The following IL17REL variants were observed in gnomAD, a reference collection of about 807,000 sequenced individuals.
IL17REL encodes the protein interleukin-17 receptor E-like protein.
In IL17REL, 36 loss-of-function variants were observed where a neutral mutation model predicts 49.0. The observed-to-expected ratio is 0.73, with a 90% CI of 0.56 to 0.97. The LOEUF is 0.97. IL17REL is among the 50% of genes least tolerant of loss of function. The pLI is 0.00. For missense variants in IL17REL, 470 were observed against 453.9 expected, an observed-to-expected ratio of 1.04 and a Z score of -0.32; for synonymous variants, 206 against 192.4, an observed-to-expected ratio of 1.07 and a Z score of -0.58.
exon 11 of IL17REL, chr22:49,997,390 C>T (rs2061042836): frequency 6.2e-7 from 1 of 1,613,724 alleles, no homozygotes; most frequent in South Asian, 1.1e-5. Flanking sequence ...CCTCCTGTGA[C>T]ACAGGTGCAC....
At position 49,999,815 on chromosome 22, in the gene IL17REL, C is replaced by T. The variant is rs1033088850; in HGVS notation, c.474+13G>A. 1.3e-6 allele frequency: 2 copies of T among 1,494,610 alleles called. No individual in the cohort carries two copies. The highest frequency in any genetic ancestry group is 1.4e-5 in the African/African-American group (1 of 68,976). The allele number at this position is 1,494,610 out of a possible 1,614,324, so 92.6% of individuals were successfully genotyped here. ...GCCTAAGGCTGACCGGGGCCCGGGG[C>T]GCGGGCGCTCACTCGCACAGGGGCG... On this transcript the variant is annotated intron_variant, in intron 5 of 12. Transcript: ENST00000341280.
chr22:49,993,115 G>C (rs1206453847), downstream of IL17REL, among the ~76,000 whole-genome samples: 1 of 152,260 alleles, frequency 6.6e-6, no homozygotes, highest in African/African-American at 2.4e-5. The surrounding 1 kb of genome is among the most constrained non-coding windows in gnomAD (Gnocchi z 6.0). Context: ...TCTGACCCAA[G>C]ACCCTCCTTA....
chr22:50,006,531 C>T (rs1057343508), intron 1 of IL17REL, among the ~76,000 whole-genome samples: 1 of 151,632 alleles, frequency 6.6e-6, no homozygotes, highest in African/African-American at 2.4e-5. Flanking sequence ...GCCAAGCAGG[C>T]GAAAAAACAG....
chr22:50,009,852 A>G (rs2061129050), upstream of IL17REL, among the ~76,000 whole-genome samples: 2 of 134,616 alleles, frequency 1.5e-5, no homozygotes, highest in Admixed American at 7.5e-5. Flanking sequence ...CCTCATCTCA[A>G]CAGTTTCCCG....
intron 1 of IL17REL, among the ~76,000 whole-genome samples, chr22:50,006,513 A>T (rs578103461): frequency 1.2e-3 from 181 of 152,218 alleles, no homozygotes; most frequent in African/African-American, 4.2e-3. Context: ...TCCAGTAACA[A>T]GCCACAGGCC....
intron 1 of IL17REL, among the ~76,000 whole-genome samples, chr22:50,005,443 G>T (rs778911508): frequency 6.6e-6 from 1 of 152,134 alleles, no homozygotes; most frequent in Non-Finnish European, 1.5e-5. Context: ...GGGAAAACAC[G>T]ATGGGGAATT....
chr22:49,999,357 G>C lies in IL17REL; in HGVS notation c.547-12C>G. On this transcript the variant is annotated splice_polypyrimidine_tract_variant and intron_variant, in intron 6 of 12. Transcript: ENST00000341280. The stretch of plus-strand genomic sequence containing the variant: ...GTCGCAGACCAGCCCTGTGGGAGGG[G>C]CTGGGGTCAGCGCAGCCCACCCATC... The C allele has an allele frequency of 6.2e-7, 1 of 1,612,896 alleles. No individual in the cohort carries two copies. Among genetic ancestry groups the C allele is most frequent in the Non-Finnish European group, 8.5e-7 (1 of 1,179,990 alleles).
chr22:49,996,678 G>A (rs2061036313), exon 13 of IL17REL: 1 of 266,838 alleles, frequency 3.7e-6, no homozygotes, highest in Admixed American at 5.2e-5. Context: ...ACCTGACTCA[G>A]GGCCGGATGG....
At chr22:50,012,198 G>A (rs552449170), upstream of IL17REL, among the ~76,000 whole-genome samples, 14 of 152,338 alleles carry the variant, frequency 9.2e-5, no homozygotes, top group Non-Finnish European at 1.9e-4. Context: ...CACAAGCCCA[G>A]GTGTTGCGGG....
intron 1 of IL17REL, among the ~76,000 whole-genome samples, chr22:50,005,883 T>C (rs1270006290): frequency 6.6e-6 from 1 of 152,006 alleles, no homozygotes; most frequent in African/African-American, 2.4e-5. Flanking sequence ...TTCCCTCATA[T>C]GGGAGACCCG....
chr22:49,997,502 G>A lies in IL17REL; in HGVS notation c.878-86C>T. 2.1e-6 allele frequency: 3 copies of A among 1,435,708 alleles called. No individual in the cohort carries two copies. The highest frequency in any genetic ancestry group is 3.8e-5 in the Admixed American group (2 of 52,986). The allele number at this position is 1,435,708 out of a possible 1,614,324, so 88.9% of individuals were successfully genotyped here. On this transcript the variant is annotated intron_variant, in intron 10 of 12. Transcript: ENST00000341280. ...TTCCAGGCTGTGGGGAGTGAAGGGTGAGACCCCCATCCGGCCCAGCACCCC... is the reference window on the plus strand; with the variant it reads ...TTCCAGGCTGTGGGGAGTGAAGGGTAAGACCCCCATCCGGCCCAGCACCCC...
chr22:50,005,961 A>C (rs550620818), intron 1 of IL17REL, among the ~76,000 whole-genome samples: 1 of 152,204 alleles, frequency 6.6e-6, no homozygotes, highest in South Asian at 2.1e-4. Flanking sequence ...ATGTTTTTTT[A>C]AAAACCTTCC....
At chr22:49,999,158 C>T in intron 7 of IL17REL, 133 bp downstream of exon 9, 6 of 1,085,588 alleles carry the variant, frequency 5.5e-6, no homozygotes, top group Non-Finnish European at 8.6e-6. Context: ...GGTGACAAGC[C>T]CTTCCGAGCA....
chr22:50,010,974 G>A (rs1258147966), upstream of IL17REL, among the ~76,000 whole-genome samples: 1 of 151,006 alleles, frequency 6.6e-6, no homozygotes, highest in Non-Finnish European at 1.5e-5. Flanking sequence ...CCCTGCATGC[G>A]GCCCAGCCTC....
chr22:50,001,197 G>T (rs9617098), exon 2 of IL17REL: 3 of 1,573,738 alleles, frequency 1.9e-6, no homozygotes. Flanking sequence ...ACATGGACAC[G>T]GGGCGTGGCC....
At chr22:49,992,419 C>T (rs1306481047), downstream of IL17REL, among the ~76,000 whole-genome samples, 1 of 152,158 alleles carries the variant, frequency 6.6e-6, no homozygotes, top group African/African-American at 2.4e-5. Flanking sequence ...CCAGGGACCA[C>T]CCTATTTTTG....
chr22:50,002,989 G>A (rs770529162), intron 1 of IL17REL, among the ~76,000 whole-genome samples: 83 of 152,206 alleles, frequency 5.5e-4, no homozygotes, highest in Non-Finnish European at 1.0e-3. Context: ...CTGGGAATGC[G>A]CCACTGTCTG....
intron 1 of IL17REL, among the ~76,000 whole-genome samples, chr22:50,002,417 ACT>A (rs375395778): frequency 2.5e-4 from 38 of 152,058 alleles, no homozygotes; most frequent in Middle Eastern, 3.4e-3. Flanking sequence ...CCACCCAGTA[ACT>A]CTGTGCCTCA....
At chr22:49,998,784 GGT>G (rs1039498835) in intron 7 of IL17REL, among the ~76,000 whole-genome samples, 5 of 150,968 alleles carry the variant, frequency 3.3e-5, no homozygotes, top group African/African-American at 1.2e-4. Context: ...CATGGGTGTG[GGT>G]GTGCGTATGC....
Sources: gnomAD v4.1 joint callset for allele counts (sites outside exome capture counted in the v4.1 genomes callset) on GRCh38, gnomAD v4.1.1 for gene constraint, Gnocchi (gnomAD v3.1) non-coding constraint, MANE v1.5 for transcripts, NCBI Gene and HGNC (gene_info 2026-07-23, HGNC 2026-07-21) for gene names.